The following PARPBP variants were observed in gnomAD, a reference collection of about 807,000 sequenced individuals.
PARPBP encodes PCNA-interacting partner.
In PARPBP, 52 loss-of-function variants were observed where a neutral mutation model predicts 50.0. The observed-to-expected ratio is 1.04, with a 90% CI of 0.83 to 1.31. The LOEUF is 1.31. PARPBP is among the 50% of genes most tolerant of loss of function. The pLI is 0.00. For synonymous variants in PARPBP, 244 were observed against 232.1 expected (o/e 1.05, Z -0.47); for missense variants, 697 against 672.0 (o/e 1.04, Z -0.41).
At position 102,197,261 on chromosome 12, in the gene PARPBP, A is replaced by G. The variant is rs1387452276; in HGVS notation, c.*970A>G. The G allele has an allele frequency of 4.6e-6, 5 of 1,097,390 alleles. No individual in the cohort carries two copies. The highest frequency in any genetic ancestry group is 6.6e-6 in the Non-Finnish European group (5 of 758,700). 68.0% of individuals were successfully genotyped at this position (1,097,390 alleles called of 1,614,324 possible). A position where few individuals can be genotyped will look rare whatever the true frequency, so the allele number is the denominator to read the frequency against. On this transcript the variant is annotated 3_prime_UTR_variant, in exon 11 of 11. Coordinates refer to ENST00000327680, the MANE Select transcript of PARPBP (RefSeq NM_017915.5). The stretch of plus-strand genomic sequence containing the variant: ...TATAATATTCTTGTTGATCAATTCA[A>G]AGTTACTCTGCACTGTTTTTGACTT...
At chr12:102,187,684 T>A (rs1475731122) in intron 9 of PARPBP, among the ~76,000 whole-genome samples, 1 of 151,978 alleles carries the variant, frequency 6.6e-6, no homozygotes, top group Non-Finnish European at 1.5e-5. Context: ...AAATGAGGGA[T>A]AACAGAAAAA....
chr12:102,130,325 A>G (rs1180147845), intron 2 of PARPBP, among the ~76,000 whole-genome samples: 3 of 152,206 alleles, frequency 2.0e-5, no homozygotes, highest in Non-Finnish European at 2.9e-5. Flanking sequence ...GGACACAGGC[A>G]TGGGCAACGA....
chr12:102,192,734 G>C (rs1456993476), intron 9 of PARPBP, among the ~76,000 whole-genome samples: 1 of 151,808 alleles, frequency 6.6e-6, no homozygotes, highest in Non-Finnish European at 1.5e-5. Context: ...CCTCCCAGCT[G>C]TTTGTCAATA....
intron 4 of PARPBP, among the ~76,000 whole-genome samples, chr12:102,160,948 C>CAA (rs879283980): frequency 1.6e-5 from 2 of 128,652 alleles, no homozygotes; most frequent in South Asian, 2.4e-4. Flanking sequence ...AACATCATCT[C>CAA]AAAAAAAAAA....
Position 102,134,301 on chromosome 12 carries a change from G to C in PARPBP, c.153+10260G>C, listed in dbSNP as rs552953295. ...AACTAATACCACAGAAATAAAACAGGTCATAAAAGACTACTATGAACAATT... is the reference window on the plus strand; with the variant it reads ...AACTAATACCACAGAAATAAAACAGCTCATAAAAGACTACTATGAACAATT... On this transcript the variant is annotated intron_variant, in intron 2 of 10. Coordinates refer to ENST00000327680, the MANE Select transcript of PARPBP (RefSeq NM_017915.5). 2.7e-5 allele frequency among the ~76,000 whole-genome samples: 4 copies of C among 149,542 alleles called. No homozygotes were observed. The East Asian group carries it at 7.8e-4, about 29-fold the overall frequency.
chr12:102,173,518 G>T (rs1888957483), intron 6 of PARPBP, among the ~76,000 whole-genome samples: 1 of 152,110 alleles, frequency 6.6e-6, no homozygotes, highest in Non-Finnish European at 1.5e-5. Flanking sequence ...TGGCAGTACA[G>T]TTTAAGAGTG....
chr12:102,188,345 A>G (rs1890499057), intron 9 of PARPBP, among the ~76,000 whole-genome samples: 1 of 152,006 alleles, frequency 6.6e-6, no homozygotes, highest in African/African-American at 2.4e-5. Context: ...AAAACCCCTG[A>G]AAAACAGACT....
At chr12:102,170,203 A>C (rs1189906798) in intron 6 of PARPBP, among the ~76,000 whole-genome samples, 1 of 152,238 alleles carries the variant, frequency 6.6e-6, no homozygotes, top group Admixed American at 6.5e-5. Context: ...CCTGTTGTTC[A>C]GAAGTTGAAA....
At chr12:102,149,022 A>G (rs1885833603) in intron 3 of PARPBP, 1 of 152,124 alleles carries the variant, frequency 6.6e-6, no homozygotes, top group African/African-American at 2.4e-5. Context: ...GGTTTTGTCT[A>G]CGTTAGAATT....
At chr12:102,182,826 T>C (rs1392535969) in intron 9 of PARPBP, among the ~76,000 whole-genome samples, 199 bp downstream of exon 9, 2 of 152,206 alleles carry the variant, frequency 1.3e-5, no homozygotes, top group Admixed American at 6.5e-5. Flanking sequence ...GTTTCTGGTT[T>C]GCTTAATCCA....
Position 102,196,017 on chromosome 12 carries a change from G to C in PARPBP, c.1466G>C (p.Arg489Thr). The part of the protein sequence containing the change: ...GTSFGNVHLD[R>T]SKNEKVSRKS... ...AGTTTTGGAAATGTTCATCTGGACA[G>C]AAGTAAAAATGAAAAAGTATCAAGA... Residue 489 changes from arginine (R) to threonine (T), a missense_variant, in exon 11 of 11, where the codon AGA (arginine) becomes ACA (threonine). Transcript: ENST00000327680. The C allele has an allele frequency of 6.2e-7, 1 of 1,611,094 alleles. No individual in the cohort carries two copies. Among genetic ancestry groups the C allele is most frequent in the Non-Finnish European group, 8.5e-7 (1 of 1,178,368 alleles).
At chr12:102,172,199 C>T (rs564456992) in intron 6 of PARPBP, among the ~76,000 whole-genome samples, 4 of 152,292 alleles carry the variant, frequency 2.6e-5, no homozygotes, top group Admixed American at 2.6e-4. Flanking sequence ...GAGTCAGGAG[C>T]TCAGTTTGCC....
intron 8 of PARPBP, among the ~76,000 whole-genome samples, chr12:102,181,494 G>A (rs1022856543): frequency 6.6e-6 from 1 of 152,110 alleles, no homozygotes; most frequent in Admixed American, 6.5e-5. Flanking sequence ...GTACTAAATA[G>A]TATAAAGAAA....
chr12:102,151,763 G>C, intron 3 of PARPBP: 1 of 1,535,622 alleles, frequency 6.5e-7, no homozygotes, highest in African/African-American at 1.4e-5. Context: ...CAGAAGAAGA[G>C]ACGAGACCTG....
At chr12:102,138,453 GTT>G (rs1884018972) in intron 2 of PARPBP, among the ~76,000 whole-genome samples, 3 of 152,104 alleles carry the variant, frequency 2.0e-5, no homozygotes, top group African/African-American at 7.2e-5. Flanking sequence ...CATTCTGTAG[GTT>G]GCCTGTTTAC....
chr12:102,163,676 C>T (rs973163522), intron 4 of PARPBP, among the ~76,000 whole-genome samples: 2 of 152,068 alleles, frequency 1.3e-5, no homozygotes, highest in African/African-American at 4.8e-5. Context: ...ATTGGTTTGT[C>T]TATAAGTTCA....
Position 102,187,889 on chromosome 12 carries a change from G to A in PARPBP, c.1263+5262G>A, listed in dbSNP as rs952824259. Among the ~76,000 whole-genome samples, 5 of 152,260 alleles carry A rather than the reference G, an allele frequency of 3.3e-5. No individual in the cohort carries two copies. In the East Asian group the frequency reaches 9.6e-4, roughly 29 times the overall value. ...GGGAAAATATATTTTAAAGACATAGGAGAGCTATATAATCAAAGAATTTTT... is the reference window on the plus strand; with the variant it reads ...GGGAAAATATATTTTAAAGACATAGAAGAGCTATATAATCAAAGAATTTTT... On this transcript the variant is annotated intron_variant, in intron 9 of 10. Coordinates refer to ENST00000327680, the MANE Select transcript of PARPBP (RefSeq NM_017915.5).
rs1888105791 is a variant in PARPBP, at chr12:102,166,009, A to G, written c.821+126A>G. 9.9e-6 allele frequency: 6 copies of G among 606,922 alleles called. No homozygotes were observed. In the Middle Eastern group the frequency reaches 1.3e-3, roughly 135 times the overall value. 37.6% of individuals were successfully genotyped at this position (606,922 alleles called of 1,614,324 possible). A position where few individuals can be genotyped will look rare whatever the true frequency, so the allele number is the denominator to read the frequency against. ...CCAAACGGTGAGGCGAAGAAACAAA[A>G]TCTAGATGAATAAATTATAATCACA... On this transcript the variant is annotated intron_variant, in intron 6 of 10. Transcript: ENST00000327680.
chr12:102,159,667 A>G (rs886785609), intron 4 of PARPBP, among the ~76,000 whole-genome samples: 4 of 150,698 alleles, frequency 2.7e-5, no homozygotes, highest in Non-Finnish European at 5.9e-5. Context: ...ATAATAGAAT[A>G]AAGGCCAGAA....
Sources: allele counts gnomAD v4.1 joint callset (sites outside exome capture counted in the v4.1 genomes callset), GRCh38; gene constraint gnomAD v4.1.1; transcripts MANE v1.5; gene names NCBI Gene and HGNC (gene_info 2026-07-23, HGNC 2026-07-21).